KCNAB1: variants seen among roughly 807,000 people sequenced by gnomAD.
The protein encoded by KCNAB1 is voltage-gated potassium channel subunit beta-1.
In KCNAB1, 35 loss-of-function variants were observed where a neutral mutation model predicts 64.6. The ratio of observed to expected loss-of-function variants is 0.54; its 90% CI spans 0.41 to 0.72. The LOEUF (loss-of-function observed/expected upper bound fraction) is 0.72. Among genes scored for constraint, KCNAB1 ranks in the 30% least tolerant of loss-of-function variants. The pLI is 0.00. For synonymous variants in KCNAB1, 177 were observed against 183.8 expected (o/e 0.96, Z 0.30); for missense variants, 401 against 512.9 (o/e 0.78, Z 2.11).
chr3:156,372,263 C>T (rs139580467), intron 1 of KCNAB1, among the ~76,000 whole-genome samples: 2,031 of 152,278 alleles, frequency 0.013, 17 homozygotes, highest in South Asian at 0.031. Context: ...TGGTTAAGGG[C>T]GTGGCTTTGG....
At chr3:156,325,764 G>A (rs1560196717) in intron 1 of KCNAB1, among the ~76,000 whole-genome samples, 1 of 151,756 alleles carries the variant, frequency 6.6e-6, no homozygotes, top group Non-Finnish European at 1.5e-5. Context: ...ACCTGCCTGG[G>A]CAATATAGCA....
At chr3:156,229,428 T>G (rs1325360368) in intron 1 of KCNAB1, among the ~76,000 whole-genome samples, 3 of 152,110 alleles carry the variant, frequency 2.0e-5, no homozygotes, top group East Asian at 1.9e-4. Flanking sequence ...ACCAGGCCCC[T>G]CCTCCAACCT....
intron 1 of KCNAB1, among the ~76,000 whole-genome samples, chr3:156,360,501 G>A (rs1241144434): frequency 3.9e-5 from 6 of 152,114 alleles, no homozygotes; most frequent in African/African-American, 1.4e-4. Context: ...CTTGAGGCCA[G>A]GAGTTTGAGG....
intron 1 of KCNAB1, among the ~76,000 whole-genome samples, chr3:156,241,544 C>T (rs1487244021): frequency 6.6e-6 from 1 of 152,034 alleles, no homozygotes; most frequent in Non-Finnish European, 1.5e-5. Context: ...TCTTGGTTGA[C>T]TTCTGGTTGG....
chr3:156,225,313 A>C (rs1340754580), intron 1 of KCNAB1, among the ~76,000 whole-genome samples: 3 of 152,246 alleles, frequency 2.0e-5, no homozygotes, highest in Non-Finnish European at 4.4e-5. Context: ...AATTAAAAAC[A>C]AAAATCACAT....
intron 1 of KCNAB1, among the ~76,000 whole-genome samples, chr3:156,235,853 A>G (rs1239615793): frequency 6.6e-6 from 1 of 152,136 alleles, no homozygotes; most frequent in African/African-American, 2.4e-5. Flanking sequence ...TCCTTCCCCA[A>G]ACTACAGAAT....
intron 2 of KCNAB1, among the ~76,000 whole-genome samples, chr3:156,429,934 A>G (rs1163689046): frequency 1.3e-5 from 2 of 152,224 alleles, no homozygotes; most frequent in Non-Finnish European, 2.9e-5. Context: ...TGTTTTAGGC[A>G]TGTCACTCTT....
intron 1 of KCNAB1, among the ~76,000 whole-genome samples, chr3:156,252,870 G>T (rs762507863): frequency 6.6e-5 from 10 of 152,184 alleles, no homozygotes; most frequent in Non-Finnish European, 1.2e-4. Flanking sequence ...TGGGCTGTGT[G>T]AACAAGAAAG....
chr3:156,354,816 A>T (rs1423870807), intron 1 of KCNAB1, among the ~76,000 whole-genome samples: 2 of 152,128 alleles, frequency 1.3e-5, no homozygotes, highest in African/African-American at 4.8e-5. Context: ...TTCCAGAAAA[A>T]CTAAGGCGTT....
chr3:156,367,375 G>A (rs1286667593), intron 1 of KCNAB1, among the ~76,000 whole-genome samples: 1 of 151,618 alleles, frequency 6.6e-6, no homozygotes, highest in Non-Finnish European at 1.5e-5. Context: ...TAGAGACGGG[G>A]TTTCACTGTG....
At position 156,441,005 on chromosome 3, in the gene KCNAB1, C is replaced by T. The variant is rs370212785; in HGVS notation, c.320-11894C>T. 5.3e-5 allele frequency among the ~76,000 whole-genome samples: 8 copies of T among 152,042 alleles called. No homozygotes were observed. The East Asian group carries it at 5.8e-4, about 11-fold the overall frequency. On this transcript the variant is annotated intron_variant, in intron 2 of 13. Transcript: ENST00000490337. ...AGTACATGAATCATTTTATATTCCT[C>T]TTTGAGTTTTTATTAATGATATTCA...
Position 156,242,115 on chromosome 3 carries a change from T to C in KCNAB1, c.275+121229T>C, listed in dbSNP as rs745379679. On this transcript the variant is annotated intron_variant, in intron 1 of 13. Coordinates refer to ENST00000490337, the MANE Select transcript of KCNAB1 (RefSeq NM_172160.3). ...GAAACGTTATCGTGAAATCACTTAG[T>C]GTGGGCTGATTTTTGTCCATTGTGC... Among the ~76,000 whole-genome samples the C allele has an allele frequency of 3.7e-4, 57 of 152,334 alleles. 1 individual carries two copies. Among genetic ancestry groups the C allele is most frequent in the Middle Eastern group, 3.4e-3 (1 of 294 alleles).
intron 8 of KCNAB1, among the ~76,000 whole-genome samples, chr3:156,507,186 T>C (rs561985237): frequency 6.6e-6 from 1 of 152,276 alleles, no homozygotes; most frequent in African/African-American, 2.4e-5. Context: ...TCTTTCTGAG[T>C]CTCAGGTTCT....
chr3:156,283,553 C>T (rs1009210850), intron 1 of KCNAB1, among the ~76,000 whole-genome samples: 1 of 151,476 alleles, frequency 6.6e-6, no homozygotes, highest in South Asian at 2.1e-4. Flanking sequence ...TAATATCCTG[C>T]AGAGTGTTTT....
At chr3:156,192,680 G>C (rs1713633024) in intron 1 of KCNAB1, among the ~76,000 whole-genome samples, 1 of 152,082 alleles carries the variant, frequency 6.6e-6, no homozygotes, top group East Asian at 1.9e-4. Flanking sequence ...TTAAGTACAT[G>C]AATATTTAGG....
At chr3:156,467,887 T>G (rs1328272771) in intron 7 of KCNAB1, among the ~76,000 whole-genome samples, 1 of 152,122 alleles carries the variant, frequency 6.6e-6, no homozygotes, top group Non-Finnish European at 1.5e-5. Context: ...ATTTATCTCC[T>G]TATTTATATA....
intron 8 of KCNAB1, among the ~76,000 whole-genome samples, chr3:156,486,835 G>C (rs1258903677): frequency 2.0e-5 from 3 of 152,146 alleles, no homozygotes; most frequent in East Asian, 1.9e-4. Context: ...TGAGTTTGAA[G>C]TTTGATTGAG....
Position 156,374,739 on chromosome 3 carries a change from T to G in KCNAB1, c.276-46877T>G, listed in dbSNP as rs1220906527. On this transcript the variant is annotated intron_variant, in intron 1 of 13. Transcript: ENST00000490337. The stretch of plus-strand genomic sequence containing the variant: ...GTCCCATGCCCAGCTCTGCCACTTA[T>G]GGCTGTTCGGCCTTAGTTAAACCTC... Among the ~76,000 whole-genome samples, 4 of 135,190 alleles carry G rather than the reference T, an allele frequency of 3.0e-5. 1 individual carries two copies. The highest frequency in any genetic ancestry group is 6.6e-5 in the African/African-American group (2 of 30,156). The allele number at this position is 135,190 out of a possible 152,430, so 88.7% of individuals were successfully genotyped here.
intron 1 of KCNAB1, among the ~76,000 whole-genome samples, chr3:156,182,695 A>ATTTTTTTTTTT (rs10624040): frequency 9.0e-5 from 12 of 132,716 alleles, no homozygotes; most frequent in Admixed American, 1.6e-4. Flanking sequence ...AAGTAAGACA[A>ATTTTTTTTTTT]TTTTTTTTTT....
Sources: allele counts gnomAD v4.1 joint callset (sites outside exome capture counted in the v4.1 genomes callset), GRCh38; gene constraint gnomAD v4.1.1; transcripts MANE v1.5; gene names NCBI Gene and HGNC (gene_info 2026-07-23, HGNC 2026-07-21).